The following PRRG4 variants were observed in gnomAD, a reference collection of about 807,000 sequenced individuals.
PRRG4 encodes the protein transmembrane gamma-carboxyglutamic acid protein 4.
PRRG4 carries 12 observed loss-of-function variants against 20.0 expected under a neutral mutation model. That is an observed-to-expected ratio of 0.60 (90% confidence interval 0.38 to 0.97). PRRG4 has a LOEUF of 0.97. Ranked by LOEUF, PRRG4 falls within the 50% of genes least tolerant of loss-of-function variation. The pLI, the probability that PRRG4 is intolerant of heterozygous loss-of-function variation, is 0.00. For missense variants in PRRG4, 199 were observed against 265.1 expected, an observed-to-expected ratio of 0.75 and a Z score of 1.73; for synonymous variants, 94 against 96.4, an observed-to-expected ratio of 0.98 and a Z score of 0.15.
chr11:32,835,800 T>C (rs1011244856), intron 2 of PRRG4, among the ~76,000 whole-genome samples: 1 of 152,190 alleles, frequency 6.6e-6, no homozygotes, highest in Non-Finnish European at 1.5e-5. Flanking sequence ...TATAAAAGTA[T>C]TAATTTGTAA....
At position 32,845,401 on chromosome 11, in the gene PRRG4, G is replaced by A. The variant is rs543286269; in HGVS notation, c.449+5162G>A. ...AGCACTTTGGGAGGCCGAGACGGGC[G>A]GATCACGAAGTCAGGAGATCGAGAC... is the stretch of plus-strand genomic sequence containing the variant. On this transcript the variant is annotated intron_variant, in intron 5 of 5. Transcript: ENST00000257836. Among the ~76,000 whole-genome samples, 17 of 152,222 alleles carry A rather than the reference G, an allele frequency of 1.1e-4. No homozygotes were observed. The South Asian group carries it at 2.5e-3, about 22-fold the overall frequency.
intron 5 of PRRG4, among the ~76,000 whole-genome samples, chr11:32,845,121 A>T (rs1445899375): frequency 1.3e-5 from 2 of 152,166 alleles, no homozygotes; most frequent in Non-Finnish European, 2.9e-5. Flanking sequence ...AAAATAAAAA[A>T]AATCTCCCTT....
intron 5 of PRRG4, among the ~76,000 whole-genome samples, chr11:32,842,037 G>T (rs983232409): frequency 6.6e-6 from 1 of 152,026 alleles, no homozygotes; most frequent in Non-Finnish European, 1.5e-5. Flanking sequence ...TTTAAAAGAG[G>T]ATTGTACAAC....
At chr11:32,846,827 G>A (rs1268946227) in intron 5 of PRRG4, among the ~76,000 whole-genome samples, 3 of 151,954 alleles carry the variant, frequency 2.0e-5, no homozygotes, top group East Asian at 1.9e-4. Context: ...GTGAAACCCC[G>A]TGTCTACTAA....
At chr11:32,836,570 G>T in intron 2 of PRRG4, 88 bp from the exon 3 acceptor site, 1 of 698,510 alleles carries the variant, frequency 1.4e-6, no homozygotes, top group East Asian at 2.8e-5. Context: ...GCCACATCAA[G>T]AGAACTATTC....
chr11:32,844,712 G>C (rs1243372762), intron 5 of PRRG4, among the ~76,000 whole-genome samples: 2 of 151,972 alleles, frequency 1.3e-5, no homozygotes, highest in Non-Finnish European at 2.9e-5. Flanking sequence ...TGTTGGCCAG[G>C]CTGGACTTGA....
chr11:32,844,413 A>G (rs1170165937), intron 5 of PRRG4, among the ~76,000 whole-genome samples: 1 of 151,994 alleles, frequency 6.6e-6, no homozygotes, highest in African/African-American at 2.4e-5. Context: ...ATACACAAAA[A>G]GTACTTAAGA....
chr11:32,829,951 G>T lies in PRRG4; in HGVS notation c.-245G>T. On this transcript the variant is annotated 5_prime_UTR_variant, in exon 1 of 6. Transcript: ENST00000257836. Reference sequence around the variant, plus strand: ...CCTCCGTCGGCCGCCTCCCCGGACCGAGGCAGGACCTCACCCCGCGCGTGT... The same window carrying T: ...CCTCCGTCGGCCGCCTCCCCGGACCTAGGCAGGACCTCACCCCGCGCGTGT... 1 of 985,604 alleles carries T rather than the reference G, an allele frequency of 1.0e-6. No individual in the cohort carries two copies. Among genetic ancestry groups the T allele is most frequent in the Non-Finnish European group, 1.2e-6 (1 of 830,070 alleles). 61.1% of individuals were successfully genotyped at this position (985,604 alleles called of 1,614,324 possible).
At chr11:32,834,560 A>G (rs916222268) in intron 2 of PRRG4, among the ~76,000 whole-genome samples, 4 of 152,202 alleles carry the variant, frequency 2.6e-5, no homozygotes, top group African/African-American at 7.2e-5. Flanking sequence ...CCCCCAAAAT[A>G]TAATGTGAAC....
At chr11:32,845,481 A>G (rs1851120353) in intron 5 of PRRG4, among the ~76,000 whole-genome samples, 1 of 152,102 alleles carries the variant, frequency 6.6e-6, no homozygotes, top group Non-Finnish European at 1.5e-5. Context: ...AATAAAAAAA[A>G]ATCAGCCGGG....
At chr11:32,830,746 T>G in intron 2 of PRRG4, 114 bp downstream of exon 2, 1 of 1,496,532 alleles carries the variant, frequency 6.7e-7, no homozygotes, top group Non-Finnish European at 9.0e-7. Flanking sequence ...AAAATATCCT[T>G]TAGTTTAATT....
At chr11:32,837,550 T>G (rs544308067) in intron 3 of PRRG4, among the ~76,000 whole-genome samples, 4,352 of 123,200 alleles carry the variant, frequency 0.035, 76 homozygotes, top group Middle Eastern at 0.048. Flanking sequence ...TGATTATTAT[T>G]ATTATTATTA....
intron 5 of PRRG4, among the ~76,000 whole-genome samples, chr11:32,850,891 G>A (rs898813905): frequency 6.6e-6 from 1 of 152,126 alleles, no homozygotes; most frequent in Non-Finnish European, 1.5e-5. Flanking sequence ...CCAACATGGT[G>A]AAAACCAGTC....
chr11:32,850,856 G>C (rs777908896), intron 5 of PRRG4, among the ~76,000 whole-genome samples: 19 of 152,122 alleles, frequency 1.2e-4, no homozygotes, highest in Non-Finnish European at 1.3e-4. Flanking sequence ...GATCACCTGA[G>C]GTCAGGAGTT....
At chr11:32,852,489 C>T (rs116333836) in intron 5 of PRRG4, among the ~76,000 whole-genome samples, 3,821 of 152,230 alleles carry the variant, frequency 0.025, 152 homozygotes, top group African/African-American at 0.087. Flanking sequence ...TTTCCTTGGT[C>T]TGGAATTGCG....
chr11:32,838,455 A>G (rs972406028), intron 3 of PRRG4, among the ~76,000 whole-genome samples: 2 of 143,896 alleles, frequency 1.4e-5, no homozygotes, highest in African/African-American at 5.1e-5. Context: ...TCCTGTCCGG[A>G]AAAAAAAAAA....
At position 32,854,697 on chromosome 11, in the gene PRRG4, G is replaced by GT. The variant is rs1210486482; in HGVS notation, c.*1174dup. On this transcript the variant is annotated 3_prime_UTR_variant, in exon 6 of 6. Coordinates refer to ENST00000257836, the MANE Select transcript of PRRG4 (RefSeq NM_024081.6). ...TCTGTGACCTTAATATAATCACTTGGTTTTATATGTTAAATTATTGCACAG... is the reference window on the plus strand; with the variant it reads ...TCTGTGACCTTAATATAATCACTTGGTTTTTATATGTTAAATTATTGCACAG... The GT allele has an allele frequency of 6.6e-6, 1 of 151,818 alleles. No individual in the cohort carries two copies. The highest frequency in any genetic ancestry group is 2.4e-5 in the African/African-American group (1 of 41,290). 9.4% of individuals were successfully genotyped at this position (151,818 alleles called of 1,614,324 possible).
At chr11:32,846,673 G>A (rs1425019381) in intron 5 of PRRG4, among the ~76,000 whole-genome samples, 1 of 149,418 alleles carries the variant, frequency 6.7e-6, no homozygotes, top group East Asian at 1.9e-4. Flanking sequence ...TGTCTTCAAG[G>A]AAAAAGAAGT....
At chr11:32,835,220 A>G (rs1204058638) in intron 2 of PRRG4, among the ~76,000 whole-genome samples, 1 of 152,236 alleles carries the variant, frequency 6.6e-6, no homozygotes, top group Non-Finnish European at 1.5e-5. Flanking sequence ...TGTGGAAAAA[A>G]TATCTTGGAC....
Sources: gnomAD v4.1 joint callset for allele counts (sites outside exome capture counted in the v4.1 genomes callset) on GRCh38, gnomAD v4.1.1 for gene constraint, MANE v1.5 for transcripts, NCBI Gene and HGNC (gene_info 2026-07-23, HGNC 2026-07-21) for gene names.